Variants in PARP1 observed in about 807,000 individuals in gnomAD.
PARP1 encodes the protein poly(ADP-ribose) polymerase 1.
Under a neutral mutation model 118.7 loss-of-function variants are expected in PARP1, and 44 were observed. The observed-to-expected ratio is 0.37, with a 90% CI of 0.29 to 0.48. The LOEUF is 0.48. Ranked by LOEUF, PARP1 falls within the 20% of genes least tolerant of loss-of-function variation. The pLI, the probability that PARP1 is intolerant of heterozygous loss-of-function variation, is 0.99. For synonymous variants in PARP1, 492 were observed against 483.2 expected (o/e 1.02, Z -0.24); for missense variants, 1,100 against 1,272.4 (o/e 0.86, Z 2.06).
chr1:226,365,934 G>A lies in PARP1; in HGVS notation c.2505+20C>T. On this transcript the variant is annotated intron_variant, in intron 18 of 22. Transcript: ENST00000366794. ...AGCTGGCAGGACACAGAAGGAAGTGGGGGAAGAAGGGATTCTTACATCGAT... is the reference window on the plus strand; with the variant it reads ...AGCTGGCAGGACACAGAAGGAAGTGAGGGAAGAAGGGATTCTTACATCGAT... The A allele has an allele frequency of 6.6e-7, 1 of 1,516,992 alleles. No individual in the cohort carries two copies. Among genetic ancestry groups the A allele is most frequent in the Non-Finnish European group, 9.2e-7 (1 of 1,091,272 alleles). The allele number at this position is 1,516,992 out of a possible 1,614,324, so 94.0% of individuals were successfully genotyped here.
At chr1:226,401,918 T>C in intron 2 of PARP1, 2 of 1,378,460 alleles carry the variant, frequency 1.5e-6, no homozygotes, top group Non-Finnish European at 1.9e-6. Flanking sequence ...GAGGGGGTAC[T>C]GGAAACTCTT....
In PARP1 at chr1:226,385,572, C is replaced by G; in HGVS notation, c.943G>C (p.Val315Leu). 3 of 1,614,136 alleles carry G rather than the reference C, an allele frequency of 1.9e-6. No individual in the cohort carries two copies. The highest frequency in any genetic ancestry group is 2.5e-6 in the Non-Finnish European group (3 of 1,180,016). Residue 315 changes from valine (V) to leucine (L), a missense_variant, in exon 7 of 23, where the codon GTC (valine) becomes CTC (leucine). Coordinates refer to ENST00000366794, the MANE Select transcript of PARP1 (RefSeq NM_001618.4). ...ACCATACACTTGGTCCAGGCAGTGACGTCCCCAGTGCAGTAATAGGCATCG... is the reference window on the plus strand; with the variant it reads ...ACCATACACTTGGTCCAGGCAGTGAGGTCCCCAGTGCAGTAATAGGCATCG... ...KSDAYYCTGD[V>L]TAWTKCMVKT...
In PARP1 at chr1:226,407,796, A is replaced by T; in HGVS notation, c.120+14T>A. On this transcript the variant is annotated intron_variant, in intron 1 of 22. Transcript: ENST00000366794. The stretch of plus-strand genomic sequence containing the variant: ...GCCGCGTCCCCGCCCCGCCGCCCGC[A>T]CAGCGGCCCGCACCTGCACCATGAT... 4.8e-6 allele frequency: 7 copies of T among 1,464,458 alleles called. No homozygotes were observed. The South Asian group carries it at 8.3e-5, about 17-fold the overall frequency. The allele number at this position is 1,464,458 out of a possible 1,614,324, so 90.7% of individuals were successfully genotyped here. A position where few individuals can be genotyped will look rare whatever the true frequency, so the allele number is the denominator to read the frequency against.
rs1478020870 is a variant in PARP1, at chr1:226,392,407, C to A, written c.287-93G>T. 18 of 844,022 alleles carry A rather than the reference C, an allele frequency of 2.1e-5. 1 individual carries two copies. The Admixed American group carries it at 2.9e-4, about 14-fold the overall frequency. 52.3% of individuals were successfully genotyped at this position (844,022 alleles called of 1,614,324 possible). On this transcript the variant is annotated intron_variant, in intron 2 of 22. Transcript: ENST00000366794. ...CCTCTTCTACCTCCCCAGGATCCTT[C>A]CACTAGGACACCTTATGCCTTGGGA...
Position 226,377,129 on chromosome 1 carries a change from G to A in PARP1, c.1920C>T (p.Pro640=), listed in dbSNP as rs758319630. 1.2e-6 allele frequency: 2 copies of A among 1,613,792 alleles called. No homozygotes were observed. Among genetic ancestry groups the A allele is most frequent in the South Asian group, 1.1e-5 (1 of 91,068 alleles). Residue 640 remains proline, a synonymous_variant, in exon 13 of 23, where the codon CCC becomes CCT. Transcript: ENST00000366794. The part of the protein sequence containing the change: ...NFTKYPKKFY[P]LEIDYGQDEE... ...TTACCTGGCCATAGTCAATCTCCAG[G>A]GGGTAGAACTTTTTGGGATACTTCG...
In PARP1 at chr1:226,362,508, GTTCCCAGGGCATCAACC is replaced by G. The variant is rs1664164979; in HGVS notation, c.2849-442_2849-426del. On this transcript the variant is annotated intron_variant, in intron 21 of 22. Transcript: ENST00000366794. ...TATAAAACTAAGGCAATAAACCAAAGTTCCCAGGGCATCAACCTTCACTGAGTTTAATGAGAACAGTG... is the reference window on the plus strand; with the variant it reads ...TATAAAACTAAGGCAATAAACCAAAGTTCACTGAGTTTAATGAGAACAGTG... Among the ~76,000 whole-genome samples, 10 of 152,258 alleles carry G rather than the reference GTTCCCAGGGCATCAACC, an allele frequency of 6.6e-5. No homozygotes were observed. The South Asian group carries it at 2.1e-3, about 32-fold the overall frequency.
rs1664653833 is a variant in PARP1 at position 226,383,163 on chromosome 1, G to A, written c.1032C>T (p.Tyr344=). The A allele has an allele frequency of 2.5e-6, 4 of 1,613,144 alleles. No homozygotes were observed. Among genetic ancestry groups the A allele is most frequent in the Non-Finnish European group, 3.4e-6 (4 of 1,179,534 alleles). ...VTPKEFREIS[Y]LKKLKVKKQD... is the part of the protein sequence containing the mutation. ...GTTTTTTAACCTTCAATTTCTTGAG[G>A]TAAGAGATTTCTCGGAATTCCTAAA... The change falls in exon 8 of 23, where the codon TAC becomes TAT. Residue 344 remains tyrosine (Y), a synonymous_variant. Transcript: ENST00000366794.
intron 19 of PARP1, 130 bp from the exon 20 acceptor site, chr1:226,364,200 C>A (rs1300504768): frequency 4.5e-6 from 4 of 884,886 alleles, no homozygotes; most frequent in South Asian, 2.7e-5. Context: ...TCTCACAATG[C>A]CCATGGTGAG....
rs1664594554 is a variant in PARP1 at position 226,381,051 on chromosome 1, A to G, written c.1300+17T>C. The G allele has an allele frequency of 1.2e-6, 2 of 1,613,972 alleles. No individual in the cohort carries two copies. Among genetic ancestry groups the G allele is most frequent in the Non-Finnish European group, 1.7e-6 (2 of 1,179,956 alleles). ...CAGAAGCATTGTCCCTGTTGCACAA[A>G]TTCAGATTCAACTCACTTTTGGTGC... On this transcript the variant is annotated intron_variant, in intron 9 of 22. Transcript: ENST00000366794.
At position 226,391,360 on chromosome 1, in the gene PARP1, G is replaced by C. The variant is rs1664816479; in HGVS notation, c.403-736C>G. Among the ~76,000 whole-genome samples the C allele has an allele frequency of 3.9e-5, 6 of 152,046 alleles. No individual in the cohort carries two copies. The South Asian group carries it at 1.2e-3, about 32-fold the overall frequency. Reference sequence around the variant, plus strand: ...TAATAAACCCACAGGCAAGAATCCAGTCCTGCCAGCCTGCCCAGGTCCCCA... The same window carrying C: ...TAATAAACCCACAGGCAAGAATCCACTCCTGCCAGCCTGCCCAGGTCCCCA... On this transcript the variant is annotated intron_variant, in intron 3 of 22. Coordinates refer to ENST00000366794, the MANE Select transcript of PARP1 (RefSeq NM_001618.4).
intron 4 of PARP1, among the ~76,000 whole-genome samples, chr1:226,389,912 G>A (rs1008206334): frequency 6.6e-6 from 1 of 152,092 alleles, no homozygotes; most frequent in African/African-American, 2.4e-5. Flanking sequence ...GTCACTGATG[G>A]TCCTTCCCAT....
chr1:226,362,129 T>A, intron 21 of PARP1, 46 bp from the exon 22 acceptor site: 2 of 1,041,480 alleles, frequency 1.9e-6, no homozygotes, highest in Non-Finnish European at 3.0e-6. Context: ...AGTACAGATG[T>A]GGCAAAGCTT....
chr1:226,407,728 G>GCCCCCCCCCC, intron 1 of PARP1, 82 bp downstream of exon 1: 2 of 1,289,830 alleles, frequency 1.6e-6, no homozygotes, highest in Non-Finnish European at 2.1e-6. Context: ...CGCTCCCTGG[G>GCCCCCCCCCC]CCCGCCCTCC....
intron 1 of PARP1, among the ~76,000 whole-genome samples, chr1:226,405,764 C>T (rs957963975): frequency 6.6e-6 from 1 of 152,168 alleles, no homozygotes; most frequent in Non-Finnish European, 1.5e-5. Flanking sequence ...CTCTGCCCAC[C>T]TGTTAAGGCG....
At chr1:226,363,557 T>C (rs1238895108) in intron 20 of PARP1, among the ~76,000 whole-genome samples, 4 of 152,198 alleles carry the variant, frequency 2.6e-5, no homozygotes, top group Non-Finnish European at 4.4e-5. Context: ...TCTTTCTCTA[T>C]GGAGAATCTG....
rs1339335555 is a variant in PARP1 at position 226,393,104 on chromosome 1, A to G, written c.287-790T>C. 3.4e-5 allele frequency: 32 copies of G among 953,316 alleles called. No homozygotes were observed. In the Admixed American group the frequency reaches 1.2e-3, roughly 37 times the overall value. The allele number at this position is 953,316 out of a possible 1,614,324, so 59.1% of individuals were successfully genotyped here. ...TCCTAAGAGATATCTTAAGAAATCT[A>G]TTTTAAAACCTACTAAATTAAGTGA... On this transcript the variant is annotated intron_variant, in intron 2 of 22. Coordinates refer to ENST00000366794, the MANE Select transcript of PARP1 (RefSeq NM_001618.4).
rs774928211 is a variant in PARP1 at position 226,379,559 on chromosome 1, T to G, written c.1612+14A>C. On this transcript the variant is annotated intron_variant, in intron 11 of 22. Coordinates refer to ENST00000366794, the MANE Select transcript of PARP1 (RefSeq NM_001618.4). ...GCGGCACAGCCCACTTTGCTGGCAG[T>G]CCTGTTTGCTTACCAGAATCAGGAT... The G allele has an allele frequency of 6.2e-5, 100 of 1,607,564 alleles. No homozygotes were observed. The highest frequency in any genetic ancestry group is 7.8e-5 in the Non-Finnish European group (92 of 1,174,380).
At chr1:226,402,832 C>A (rs1012349696) in intron 1 of PARP1, among the ~76,000 whole-genome samples, 1 of 152,212 alleles carries the variant, frequency 6.6e-6, no homozygotes, top group African/African-American at 2.4e-5. Flanking sequence ...ACTCAAAGGG[C>A]CTGTGTGCCC....
At chr1:226,407,781 C>T (rs2102750208) in intron 1 of PARP1, 29 bp downstream of exon 1, 1 of 1,547,248 alleles carries the variant, frequency 6.5e-7, no homozygotes. Context: ...GCCGCGTCCC[C>T]GCCCCGCCGC....
Sources: gnomAD v4.1 joint callset for allele counts (sites outside exome capture counted in the v4.1 genomes callset) on GRCh38, gnomAD v4.1.1 for gene constraint, MANE v1.5 for transcripts, NCBI Gene and HGNC (gene_info 2026-07-23, HGNC 2026-07-21) for gene names.